TTN: variants seen among roughly 807,000 people sequenced by gnomAD.
TTN encodes titin.
A neutral mutation model predicts 3,223.0 loss-of-function variants in TTN; 1,525 were observed. That is an observed-to-expected ratio of 0.47 (90% CI 0.45 to 0.49). TTN has a LOEUF of 0.49. Ranked by LOEUF, TTN falls within the 20% of genes least tolerant of loss-of-function variation. The probability of loss-of-function intolerance (pLI) is 0.00; values close to 1 mark genes in which losing one functional copy is unlikely to be tolerated. For missense variants in TTN, 40,786 were observed against 43,424.0 expected, an observed-to-expected ratio of 0.94 and a Z score of 5.40; for synonymous variants, 14,094 against 15,161.0, an observed-to-expected ratio of 0.93 and a Z score of 5.17.
In TTN at chr2:178,727,809, G is replaced by A. The variant is rs760473000; in HGVS notation, c.19769C>T (p.Thr6590Ile). The A allele has an allele frequency of 4.3e-6, 7 of 1,612,032 alleles. No individual in the cohort carries two copies. Among genetic ancestry groups the A allele is most frequent in the Non-Finnish European group, 5.9e-6 (7 of 1,178,840 alleles). Residue 6590 changes from threonine (T) to isoleucine (I), a missense_variant, in exon 68 of 363, where the codon ACA becomes ATA. Coordinates refer to ENST00000589042, the MANE Select transcript of TTN (RefSeq NM_001267550.2). ...TTTTAGTATTGCCTTAAATTCCACT[G>A]TAGAATCAGGTATGGCTTGCTGTCG... Reference protein sequence around the residue: ...PGRQQAIPDSTVEFKAILKGT... With the variant: ...PGRQQAIPDSIVEFKAILKGT...
intron 74 of TTN, 39 bp from the exon 75 acceptor site, chr2:178,723,363 A>T (rs1431326197): frequency 1.2e-6 from 2 of 1,603,482 alleles, no homozygotes; most frequent in African/African-American, 2.7e-5. Context: ...ACACAAGAAA[A>T]ACACAAGGAT....
rs727504184 is a variant in TTN at position 178,532,523 on chromosome 2, G to C, written c.104092C>G (p.Arg34698Gly). 3.1e-6 allele frequency: 5 copies of C among 1,613,956 alleles called. No homozygotes were observed. The South Asian group carries it at 5.5e-5, about 18-fold the overall frequency. The change falls in exon 358 of 363, where the codon CGA (arginine) becomes GGA (glycine). Residue 34698 changes from arginine to glycine, a missense_variant. Coordinates refer to ENST00000589042, the MANE Select transcript of TTN (RefSeq NM_001267550.2). ...GAAAGCTCAAAGTGTGGAGGGCTTC[G>C]ACTTGGGGGTGAAGCTGAAAAACCT... ...ELGFSASPPS[R>G]SPPHFELSSL...
At chr2:178,694,516 G>T in intron 117 of TTN, 83 bp downstream of exon 117, 1 of 947,456 alleles carries the variant, frequency 1.1e-6, no homozygotes, top group Non-Finnish European at 1.5e-6. Flanking sequence ...AGATTTGTGA[G>T]TTACTTAGCA....
intron 223 of TTN, 95 bp from the exon 224 acceptor site, chr2:178,637,514 A>G: frequency 4.9e-6 from 3 of 614,612 alleles, no homozygotes; most frequent in Non-Finnish European, 7.3e-6. Flanking sequence ...TCCATTATAA[A>G]TATTAACGCA....
Position 178,667,691 on chromosome 2 carries a change from T to A in TTN, c.35576A>T (p.Glu11859Val). The A allele has an allele frequency of 5.6e-6, 9 of 1,596,598 alleles. No individual in the cohort carries two copies. Among genetic ancestry groups the A allele is most frequent in the Non-Finnish European group, 7.6e-6 (9 of 1,178,732 alleles). The change falls in exon 160 of 363, where the codon GAA becomes GTA. Residue 11859 changes from glutamate (E) to valine (V), a missense_variant. By Grantham distance (121) the Glu-to-Val change is moderately radical. Coordinates refer to ENST00000589042, the MANE Select transcript of TTN (RefSeq NM_001267550.2). ...IYEASEEAVLEEKVLVTQPQK... is the reference protein window; with the variant it reads ...IYEASEEAVLVEKVLVTQPQK... ...AGGTTGAGTCACAAGTACTTTTTCT[T>A]CTAGGACTGCTTCTTCAGATGCTTC...
chr2:178,538,411 G>A, intron 354 of TTN, 129 bp downstream of exon 354: 2 of 844,868 alleles, frequency 2.4e-6, no homozygotes, highest in Non-Finnish European at 3.5e-6. Flanking sequence ...TCCTGTGTGT[G>A]TACTTGCTTT....
At chr2:178,663,986 T>G in intron 169 of TTN, 29 bp downstream of exon 169, 2 of 1,596,566 alleles carry the variant, frequency 1.3e-6, no homozygotes, top group Non-Finnish European at 1.7e-6. Context: ...GAATTAGGTC[T>G]TCTGAAGCCT....
Position 178,633,056 on chromosome 2 carries a change from G to A in TTN, c.43087-12C>T, listed in dbSNP as rs1160990716. On this transcript the variant is annotated splice_polypyrimidine_tract_variant and intron_variant, in intron 233 of 362. Coordinates refer to ENST00000589042, the MANE Select transcript of TTN (RefSeq NM_001267550.2). Reference sequence around the variant, plus strand: ...ATGATTTCACAGTCCTGTTTGGAGTGAGGGTTAGAAGGAAAGAAAGAACAT... The same window carrying A: ...ATGATTTCACAGTCCTGTTTGGAGTAAGGGTTAGAAGGAAAGAAAGAACAT... 2 of 1,611,188 alleles carry A rather than the reference G, an allele frequency of 1.2e-6. No homozygotes were observed. Among genetic ancestry groups the A allele is most frequent in the Non-Finnish European group, 1.7e-6 (2 of 1,178,690 alleles).
Position 178,532,407 on chromosome 2 carries a change from C to G in TTN, c.104208G>C (p.Lys34736Asn). 6.2e-7 allele frequency: 1 copy of G among 1,613,966 alleles called. No individual in the cohort carries two copies. Among genetic ancestry groups the G allele is most frequent in the East Asian group, 2.2e-5 (1 of 44,884 alleles). Residue 34736 changes from lysine to asparagine, a missense_variant, in exon 358 of 363, where the codon AAG becomes AAC. By Grantham distance (94) the Lys-to-Asn change is moderately conservative (BLOSUM62 0). Transcript: ENST00000589042. ...FRYSTYHIPT[K>N]AEASTSYAEL... ...CTGCATAACTTGTACTAGCTTCAGC[C>G]TTCGTTGGGATGTGATAGGTTGAAT...
chr2:178,593,378 G>C lies in TTN; in HGVS notation c.58830C>G (p.Ile19610Met). Residue 19610 changes from isoleucine (I) to methionine (M), a missense_variant, in exon 299 of 363, where the codon ATC becomes ATG. Ile to Met is a conservative substitution (Grantham distance 10, BLOSUM62 1). Transcript: ENST00000589042. Reference sequence around the variant, plus strand: ...CTCTCTTTTCCAGGATGTAGTTTGTGATGGGTTTTCCTCCATCATGTGGCT... The same window carrying C: ...CTCTCTTTTCCAGGATGTAGTTTGTCATGGGTTTTCCTCCATCATGTGGCT... ...WNKPHDGGKP[I>M]TNYILEKRET... The C allele has an allele frequency of 6.2e-7, 1 of 1,613,366 alleles. No homozygotes were observed. The highest frequency in any genetic ancestry group is 1.1e-5 in the South Asian group (1 of 91,054).
Position 178,583,873 on chromosome 2 carries a change from G to C in TTN, c.65309C>G (p.Thr21770Ser). ...PPGKPEVIDVTKSTVSLIWAR... is the reference protein window; with the variant it reads ...PPGKPEVIDVSKSTVSLIWAR... The stretch of plus-strand genomic sequence containing the variant: ...CCAGATCAGAGATACAGTACTCTTG[G>C]TGACATCAATAACCTCAGGTTTCCC... The change falls in exon 312 of 363, where the codon ACC becomes AGC. Residue 21770 changes from threonine (T) to serine (S), a missense_variant. Physicochemically the swap from Thr to Ser is moderately conservative, Grantham distance 58. Transcript: ENST00000589042. 6.3e-7 allele frequency: 1 copy of C among 1,598,384 alleles called. No homozygotes were observed. The highest frequency in any genetic ancestry group is 8.5e-7 in the Non-Finnish European group (1 of 1,170,302).
rs749248039 is a variant in TTN, at chr2:178,604,729, A to G, written c.54360T>C (p.Thr18120=). The change falls in exon 281 of 363, where the codon ACT becomes ACC. Residue 18120 remains threonine, a synonymous_variant. Transcript: ENST00000589042. ...KKAEWEEVTN[T]AVEKRYGIWK... ...TTACCCCATATCTTTTCTCTACAGC[A>G]GTGTTGGTGACTTCCTCCCATTCTG... The G allele has an allele frequency of 1.1e-5, 18 of 1,610,974 alleles. No homozygotes were observed. The Admixed American group carries it at 2.2e-4, about 19-fold the overall frequency.
rs1343316485 is a variant in TTN at position 178,614,069 on chromosome 2, G to C, written c.49328C>G (p.Thr16443Arg). The change falls in exon 262 of 363, where the codon ACA becomes AGA. Residue 16443 changes from threonine (T) to arginine (R), a missense_variant. By Grantham distance (71) the Thr-to-Arg change is moderately conservative. Coordinates refer to ENST00000589042, the MANE Select transcript of TTN (RefSeq NM_001267550.2). ...AAACTTACCAAACTGATATTTGGCTGTTATTGGAGAGGCCTGAACTGGTTC... is the reference window on the plus strand; with the variant it reads ...AAACTTACCAAACTGATATTTGGCTCTTATTGGAGAGGCCTGAACTGGTTC... Reference protein sequence around the residue: ...VGEPVQASPITAKYQFDPPGP... With the variant: ...VGEPVQASPIRAKYQFDPPGP... 1.9e-6 allele frequency: 3 copies of C among 1,612,036 alleles called. No individual in the cohort carries two copies. Among genetic ancestry groups the C allele is most frequent in the Non-Finnish European group, 2.5e-6 (3 of 1,179,120 alleles).
At chr2:178,581,415 T>A (rs2047713040) in intron 316 of TTN, 84 bp downstream of exon 316, 2 of 1,180,432 alleles carry the variant, frequency 1.7e-6, no homozygotes, top group Non-Finnish European at 2.3e-6. Flanking sequence ...GTTAATAAAT[T>A]AATCTACCTA....
rs1558999779 is a variant in TTN, at chr2:178,531,536, CAT to C, written c.105077_105078del (p.Tyr35026CysfsTer20). On this transcript the variant is annotated frameshift_variant, in exon 358 of 363. Coordinates refer to ENST00000589042, the MANE Select transcript of TTN (RefSeq NM_001267550.2). LOFTEE classifies it high-confidence loss of function. Reference protein sequence around the residue: ...CTNYKGEASDYATLDVTGGDY... With the variant: ...CTNYKGEASDXATLDVTGGDY... ...TCCCCTCCTGTCACGTCCAACGTTG[CAT>C]AGTCAGAAGCTTCGCCCTTGTAGTT... is the stretch of plus-strand genomic sequence containing the variant. 6.2e-7 allele frequency: 1 copy of C among 1,613,978 alleles called. No homozygotes were observed. Among genetic ancestry groups the C allele is most frequent in the Non-Finnish European group, 8.5e-7 (1 of 1,179,876 alleles).
intron 237 of TTN, 42 bp from the exon 238 acceptor site, chr2:178,630,985 AC>A: frequency 2.5e-6 from 4 of 1,611,452 alleles, no homozygotes; most frequent in Non-Finnish European, 2.5e-6. Flanking sequence ...AGCCTCTGGC[AC>A]AAATAACCCC....
chr2:178,536,169 G>A lies in TTN; in HGVS notation c.100578C>T (p.Ile33526=), dbSNP rs764709619. 10 of 1,613,392 alleles carry A rather than the reference G, an allele frequency of 6.2e-6. No individual in the cohort carries two copies. In the Admixed American group the frequency reaches 6.7e-5, roughly 11 times the overall value. The stretch of plus-strand genomic sequence containing the variant: ...CTTTGCCTTGTCTGTACCATTTGAC[G>A]ATAGGTTTTGGATGACCAGTCACTT... ...VCKVTGHPKP[I]VKWYRQGKEI... is the part of the protein sequence containing the mutation. Residue 33526 remains isoleucine (I), a synonymous_variant, in exon 357 of 363, where the codon ATC becomes ATT. Coordinates refer to ENST00000589042, the MANE Select transcript of TTN (RefSeq NM_001267550.2).
intron 147 of TTN, 137 bp downstream of exon 147, chr2:178,677,064 T>C (rs1165246772): frequency 2.3e-5 from 10 of 431,238 alleles, no homozygotes; most frequent in Admixed American, 5.0e-5. Context: ...TCAGTGTTCC[T>C]GAACATCGTT....
chr2:178,751,452 G>A (rs2085477307), intron 47 of TTN: 1 of 1,612,920 alleles, frequency 6.2e-7, no homozygotes, highest in African/African-American at 1.3e-5. Context: ...ATTCCCTTTT[G>A]TTCCACATCT....
Sources: allele counts gnomAD v4.1 joint callset, GRCh38; gene constraint gnomAD v4.1.1; transcripts MANE v1.5; gene names NCBI Gene and HGNC (gene_info 2026-07-23, HGNC 2026-07-21).